Variants in DKK3 observed in about 807,000 individuals in gnomAD.
The protein encoded by DKK3 is dickkopf Wnt signaling pathway inhibitor 3, also known as dickkopf-related protein 3.
A neutral mutation model predicts 33.2 loss-of-function variants in DKK3; 22 were observed. That is an observed-to-expected ratio of 0.66 (90% CI 0.47 to 0.95). The LOEUF (loss-of-function observed/expected upper bound fraction) is 0.95. Ranked by LOEUF, DKK3 falls within the 40% of genes least tolerant of loss-of-function variation. DKK3 has a pLI of 0.00. For synonymous variants in DKK3, 194 were observed against 188.8 expected (o/e 1.03, Z -0.23); for missense variants, 398 against 458.4 (o/e 0.87, Z 1.20).
intron 3 of DKK3, among the ~76,000 whole-genome samples, chr11:11,975,823 C>T (rs1370349451): frequency 6.6e-6 from 1 of 152,156 alleles, no homozygotes; most frequent in Non-Finnish European, 1.5e-5. Flanking sequence ...AAGTCAAGAC[C>T]ATATGGCACA....
intron 3 of DKK3, among the ~76,000 whole-genome samples, chr11:11,970,320 G>T (rs1847697633): frequency 6.6e-6 from 1 of 152,138 alleles, no homozygotes; most frequent in Admixed American, 6.6e-5. Context: ...GGAGACAAAG[G>T]GTATGAACGG....
chr11:11,978,486 C>CTCT (rs143534733), intron 3 of DKK3, among the ~76,000 whole-genome samples: 1 of 147,930 alleles, frequency 6.8e-6, no homozygotes, highest in Non-Finnish European at 1.5e-5. Context: ...CTTTTTCTTC[C>CTCT]TCTTCTTCTT....
chr11:11,986,819 T>G (rs535120349), intron 3 of DKK3, among the ~76,000 whole-genome samples: 4 of 152,332 alleles, frequency 2.6e-5, no homozygotes, highest in African/African-American at 9.6e-5. Context: ...TATATCTACT[T>G]CATAGTGTTT....
At chr11:11,999,653 C>A (rs1315773090) in intron 2 of DKK3, among the ~76,000 whole-genome samples, 1 of 150,048 alleles carries the variant, frequency 6.7e-6, no homozygotes, top group Non-Finnish European at 1.5e-5. Context: ...AACAAACAAA[C>A]AGAAAGAAAG....
chr11:11,967,172 TACCACAGATAGGCCAAC>T, intron 4 of DKK3, 74 bp from the exon 5 acceptor site: 1 of 1,552,468 alleles, frequency 6.4e-7, no homozygotes, highest in South Asian at 1.2e-5. Flanking sequence ...AGCCTGAAGA[TACCACAGATAGGCCAAC>T]CTGCATCCTC....
At position 11,965,852 on chromosome 11, in the gene DKK3, C is replaced by G; in HGVS notation, c.787G>C (p.Asp263His). Reference sequence around the variant, plus strand: ...AGGCCACTGGCACAAGGGCATCGGTCCAAGGCTCCATCAGGCTCTAGCTCC... The same window carrying G: ...AGGCCACTGGCACAAGGGCATCGGTGCAAGGCTCCATCAGGCTCTAGCTCC... ...TWELEPDGALDRCPCASGLLC... is the reference protein window; with the variant it reads ...TWELEPDGALHRCPCASGLLC... Residue 263 changes from aspartate (D) to histidine (H), a missense_variant, in exon 6 of 7, where the codon GAC (aspartate) becomes CAC (histidine). By Grantham distance (81) the Asp-to-His change is moderately conservative. Coordinates refer to ENST00000683431, the MANE Select transcript of DKK3 (RefSeq NM_001018057.2). 1 of 1,614,184 alleles carries G rather than the reference C, an allele frequency of 6.2e-7. No individual in the cohort carries two copies. The highest frequency in any genetic ancestry group is 1.3e-5 in the African/African-American group (1 of 75,074).
rs1443891092 is a variant in DKK3, at chr11:11,998,702, C to A, written c.429G>T (p.Arg143Ser). Residue 143 changes from arginine (R) to serine (S), a missense_variant, in exon 3 of 7, where the codon AGG becomes AGT. Coordinates refer to ENST00000683431, the MANE Select transcript of DKK3 (RefSeq NM_001018057.2). Reference protein sequence around the residue: ...ITSVGDEEGRRSHECIIDEDC... With the variant: ...ITSVGDEEGRSSHECIIDEDC... ...AGGGGAAATGACAACTTACGTGGCT[C>A]CTTCTGCCTTCTTCGTCTCCCACAG... is the stretch of plus-strand genomic sequence containing the variant. 6.2e-7 allele frequency: 1 copy of A among 1,613,840 alleles called. No individual in the cohort carries two copies. The highest frequency in any genetic ancestry group is 8.5e-7 in the Non-Finnish European group (1 of 1,179,866).
At chr11:12,000,546 C>T (rs200714072) in intron 2 of DKK3, among the ~76,000 whole-genome samples, 2 of 151,064 alleles carry the variant, frequency 1.3e-5, no homozygotes, top group East Asian at 3.9e-4. Flanking sequence ...CACTCTGTCA[C>T]CCAGGCTGGA....
rs1847497067 is a variant in DKK3, at chr11:11,963,185, T to G, written c.*1279A>C. ...ATTTAAAACTCAAAGAAAGCATGCT[T>G]ATACAATCATGTGCAACTTTAAACT... On this transcript the variant is annotated 3_prime_UTR_variant, in exon 7 of 7. Transcript: ENST00000683431. 1 of 152,672 alleles carries G rather than the reference T, an allele frequency of 6.5e-6. No homozygotes were observed. The highest frequency in any genetic ancestry group is 1.5e-5 in the Non-Finnish European group (1 of 68,050). 9.5% of individuals were successfully genotyped at this position (152,672 alleles called of 1,614,324 possible).
In DKK3 at chr11:11,974,301, C is replaced by T. The variant is rs560389863; in HGVS notation, c.436-5814G>A. Reference sequence around the variant, plus strand: ...CAGGCTTTAAGTATAGTATGCCTCTCGGATCCTCACAGCCACCCTTTGAGG... The same window carrying T: ...CAGGCTTTAAGTATAGTATGCCTCTTGGATCCTCACAGCCACCCTTTGAGG... On this transcript the variant is annotated intron_variant, in intron 3 of 6. Coordinates refer to ENST00000683431, the MANE Select transcript of DKK3 (RefSeq NM_001018057.2). Among the ~76,000 whole-genome samples, 31 of 152,376 alleles carry T rather than the reference C, an allele frequency of 2.0e-4. No homozygotes were observed. The South Asian group carries it at 3.5e-3, about 17-fold the overall frequency.
rs3750937 is a variant in DKK3, at chr11:11,977,989, T to C, written c.436-9502A>G. On this transcript the variant is annotated intron_variant, in intron 3 of 6. Transcript: ENST00000683431. ...AAAATTATAGGATGCCCAGCCATAG[T>C]TGAATCTCAGATAAACAATGAATAA... Among the ~76,000 whole-genome samples, 106 of 152,384 alleles carry C rather than the reference T, an allele frequency of 7.0e-4. No individual in the cohort carries two copies. The East Asian group carries it at 0.013, about 19-fold the overall frequency.
intron 3 of DKK3, among the ~76,000 whole-genome samples, chr11:11,992,631 T>G (rs567373306): frequency 6.6e-6 from 1 of 152,322 alleles, no homozygotes; most frequent in East Asian, 1.9e-4. Context: ...TGGCCTGGAA[T>G]GCAAAACTGA....
At chr11:12,004,135 G>A (rs908723831) in intron 1 of DKK3, among the ~76,000 whole-genome samples, 9 of 152,182 alleles carry the variant, frequency 5.9e-5, no homozygotes, top group Admixed American at 5.2e-4. Context: ...TGGGGAAGCT[G>A]TGATTATAGA....
rs1847539242 is a variant in DKK3 at position 11,964,626 on chromosome 11, C to G, written c.891G>C (p.Glu297Asp). 6.2e-7 allele frequency: 1 copy of G among 1,614,184 alleles called. No homozygotes were observed. The highest frequency in any genetic ancestry group is 8.5e-7 in the Non-Finnish European group (1 of 1,180,038). The change falls in exon 7 of 7, where the codon GAG becomes GAC. Residue 297 changes from glutamate to aspartate, a missense_variant. Coordinates refer to ENST00000683431, the MANE Select transcript of DKK3 (RefSeq NM_001018057.2). ...CGGGGACCTCTCTGGGCAGCAGGAT[C>G]TCCCCATCTTGGTCACGGCTCCCCA... The part of the protein sequence containing the change: ...TFVGSRDQDG[E>D]ILLPREVPDE...
At chr11:11,978,071 T>C (rs1036012651) in intron 3 of DKK3, among the ~76,000 whole-genome samples, 2 of 152,308 alleles carry the variant, frequency 1.3e-5, no homozygotes, top group South Asian at 2.1e-4. Context: ...CCAAAAATTA[T>C]TTTAGATTCT....
At position 11,963,544 on chromosome 11, in the gene DKK3, C is replaced by T. The variant is rs1590489543; in HGVS notation, c.*920G>A. ...AATATCATTGTCTTCATTAGAAGGA[C>T]GGCTGCCCCACACTGTGAGAACACT... On this transcript the variant is annotated 3_prime_UTR_variant, in exon 7 of 7. Coordinates refer to ENST00000683431, the MANE Select transcript of DKK3 (RefSeq NM_001018057.2). 1 of 152,322 alleles carries T rather than the reference C, an allele frequency of 6.6e-6. No individual in the cohort carries two copies. Among genetic ancestry groups the T allele is most frequent in the African/African-American group, 2.4e-5 (1 of 41,562 alleles). 9.4% of individuals were successfully genotyped at this position (152,322 alleles called of 1,614,324 possible).
chr11:11,982,979 T>C (rs1847988364), intron 3 of DKK3, among the ~76,000 whole-genome samples: 2 of 152,346 alleles, frequency 1.3e-5, no homozygotes, highest in East Asian at 3.9e-4. Context: ...GGATGAGGGC[T>C]AGGAATTGGG....
upstream of DKK3, chr11:12,008,662 C>G: frequency 7.9e-7 from 1 of 1,258,318 alleles, no homozygotes; most frequent in Non-Finnish European, 9.9e-7. This position sits in a 1 kb window ranked among gnomAD's most constrained non-coding sequence, Gnocchi z 4.6. Context: ...CTCGCTGGGC[C>G]CGCCGCCCCG....
chr11:11,978,932 A>T (rs1379116787), intron 3 of DKK3: 1 of 152,240 alleles, frequency 6.6e-6, no homozygotes, highest in Non-Finnish European at 1.5e-5. Context: ...AAAGTCACAC[A>T]GCTAGTGAGT....
Sources: gnomAD v4.1 joint callset for allele counts (sites outside exome capture counted in the v4.1 genomes callset) on GRCh38, gnomAD v4.1.1 for gene constraint, Gnocchi (gnomAD v3.1) non-coding constraint, MANE v1.5 for transcripts, NCBI Gene and HGNC (gene_info 2026-07-23, HGNC 2026-07-21) for gene names.